SPAG16: variants seen among roughly 807,000 people sequenced by gnomAD.
The protein encoded by SPAG16 is sperm associated antigen 16.
Under a neutral mutation model 80.4 loss-of-function variants are expected in SPAG16, and 86 were observed. That is an observed-to-expected ratio of 1.07 (90% CI 0.90 to 1.28). The LOEUF (loss-of-function observed/expected upper bound fraction) is 1.28. Among genes scored for constraint, SPAG16 ranks in the 50% most tolerant of loss-of-function variants. The probability of loss-of-function intolerance (pLI) is 0.00; values close to 1 mark genes in which losing one functional copy is unlikely to be tolerated. For missense variants in SPAG16, 870 were observed against 765.3 expected, an observed-to-expected ratio of 1.14 and a Z score of -1.61; for synonymous variants, 294 against 265.9, an observed-to-expected ratio of 1.11 and a Z score of -1.03.
chr2:214,275,869 ATCTG>A (rs1421392927), intron 15 of SPAG16, among the ~76,000 whole-genome samples: 2 of 152,134 alleles, frequency 1.3e-5, no homozygotes. Context: ...TGTCTCGTTG[ATCTG>A]TCTAATATTG....
chr2:214,290,456 G>A (rs1242368626), intron 15 of SPAG16, among the ~76,000 whole-genome samples: 2 of 151,948 alleles, frequency 1.3e-5, no homozygotes, highest in South Asian at 2.1e-4. Flanking sequence ...ATTCCTTGAG[G>A]TGCATCATTA....
At chr2:214,053,028 T>C (rs1382318261) in intron 13 of SPAG16, among the ~76,000 whole-genome samples, 1 of 152,178 alleles carries the variant, frequency 6.6e-6, no homozygotes, top group Non-Finnish European at 1.5e-5. Context: ...TACTCAAATA[T>C]TCTGTAGAGT....
intron 15 of SPAG16, among the ~76,000 whole-genome samples, chr2:214,159,628 ATATGATT>A: frequency 6.6e-6 from 1 of 152,100 alleles, no homozygotes; most frequent in Non-Finnish European, 1.5e-5. Context: ...CTATATTCAA[ATATGATT>A]TACTCAAATC....
intron 15 of SPAG16, among the ~76,000 whole-genome samples, chr2:214,327,638 T>C (rs1321493876): frequency 6.6e-6 from 1 of 152,142 alleles, no homozygotes; most frequent in Non-Finnish European, 1.5e-5. Flanking sequence ...TTAAGTGCAA[T>C]TCAAACTATT....
intron 11 of SPAG16, among the ~76,000 whole-genome samples, chr2:213,915,930 T>A (rs1488621848): frequency 1.3e-5 from 2 of 152,230 alleles, no homozygotes; most frequent in East Asian, 1.9e-4. Context: ...TTGAGAAATG[T>A]CTGTTCATAT....
At chr2:213,873,896 C>G (rs1173355273) in intron 11 of SPAG16, among the ~76,000 whole-genome samples, 1 of 152,100 alleles carries the variant, frequency 6.6e-6, no homozygotes, top group African/African-American at 2.4e-5. Flanking sequence ...GTATAGCCTA[C>G]TGCTCTTCCA....
chr2:213,286,974 C>G (rs1380649833), intron 1 of SPAG16, among the ~76,000 whole-genome samples: 1 of 152,198 alleles, frequency 6.6e-6, no homozygotes, highest in African/African-American at 2.4e-5. Flanking sequence ...CTGCAACACC[C>G]TTTCCCTGTA....
chr2:213,369,891 G>A (rs2066538854), intron 8 of SPAG16, among the ~76,000 whole-genome samples: 1 of 152,010 alleles, frequency 6.6e-6, no homozygotes, highest in Admixed American at 6.6e-5. Context: ...ACTGATGAGT[G>A]TCCATGACAT....
At chr2:213,961,494 T>C (rs2106351975) in intron 12 of SPAG16, among the ~76,000 whole-genome samples, 1 of 151,638 alleles carries the variant, frequency 6.6e-6, no homozygotes, top group Non-Finnish European at 1.5e-5. Context: ...GATGAAAACT[T>C]TCATCTTTCA....
chr2:213,585,921 T>G (rs939528189), intron 10 of SPAG16, among the ~76,000 whole-genome samples: 2 of 152,212 alleles, frequency 1.3e-5, no homozygotes, highest in African/African-American at 4.8e-5. Context: ...TTGAAACATT[T>G]ATTACCCTCC....
rs1691535176 is a variant in SPAG16, at chr2:214,265,929, A to G, written c.1720+116663A>G. On this transcript the variant is annotated intron_variant, in intron 15 of 15. Transcript: ENST00000331683. ...ATTCTAATTTTCCCCTAGCATTGCC[A>G]TTATCTAAAATTATATTGTTCTTTA... Among the ~76,000 whole-genome samples the G allele has an allele frequency of 2.0e-5, 3 of 151,874 alleles. No homozygotes were observed. In the South Asian group the frequency reaches 6.2e-4, roughly 31 times the overall value.
chr2:214,039,805 C>T (rs989263945), intron 13 of SPAG16, among the ~76,000 whole-genome samples: 3 of 152,218 alleles, frequency 2.0e-5, no homozygotes, highest in Admixed American at 6.5e-5. Context: ...ACACATGAAG[C>T]TGGCCATACC....
chr2:213,531,724 T>C (rs2076073813), intron 10 of SPAG16, among the ~76,000 whole-genome samples: 1 of 152,192 alleles, frequency 6.6e-6, no homozygotes, highest in Non-Finnish European at 1.5e-5. Flanking sequence ...TCTGTCTTCA[T>C]TTACCCCCAA....
chr2:213,666,821 G>C (rs1297214161), intron 10 of SPAG16, among the ~76,000 whole-genome samples: 1 of 152,224 alleles, frequency 6.6e-6, no homozygotes, highest in Admixed American at 6.5e-5. Flanking sequence ...AAAGGAAAGT[G>C]CAGGAGTTCA....
chr2:214,231,136 C>A (rs1576551521), intron 15 of SPAG16, among the ~76,000 whole-genome samples: 1 of 152,028 alleles, frequency 6.6e-6, no homozygotes, highest in East Asian at 1.9e-4. Context: ...AACCATGTCC[C>A]AGAACAGTGC....
intron 10 of SPAG16, among the ~76,000 whole-genome samples, chr2:213,718,676 T>G (rs10153590): frequency 2.0e-5 from 3 of 152,058 alleles, no homozygotes; most frequent in Non-Finnish European, 2.9e-5. Flanking sequence ...CCAGCAGTGC[T>G]GGCCCACCTG....
chr2:214,177,920 T>TATATATAC (rs1468954542), intron 15 of SPAG16, among the ~76,000 whole-genome samples: 2 of 132,806 alleles, frequency 1.5e-5, no homozygotes, highest in Admixed American at 1.6e-4. Flanking sequence ...TATATACATA[T>TATATATAC]ATATATATAT....
intron 6 of SPAG16, among the ~76,000 whole-genome samples, chr2:213,349,694 ATAC>A (rs2065217971): frequency 6.6e-6 from 1 of 152,214 alleles, no homozygotes; most frequent in Non-Finnish European, 1.5e-5. Context: ...ATATACATAC[ATAC>A]AAGGGAATAC....
intron 10 of SPAG16, among the ~76,000 whole-genome samples, chr2:213,638,000 G>T (rs556701478): frequency 5.3e-5 from 8 of 152,102 alleles, no homozygotes; most frequent in African/African-American, 7.2e-5. Context: ...CTCGTGATCC[G>T]CCCGTCTTGG....
Sources: gnomAD v4.1 joint callset for allele counts (sites outside exome capture counted in the v4.1 genomes callset) on GRCh38, gnomAD v4.1.1 for gene constraint, MANE v1.5 for transcripts, NCBI Gene and HGNC (gene_info 2026-07-23, HGNC 2026-07-21) for gene names.